Variants in SEC14L1 observed in about 807,000 individuals in gnomAD.
SEC14L1 encodes SEC14 like lipid binding 1.
In SEC14L1, 48 loss-of-function variants were observed where a neutral mutation model predicts 85.3. That is an observed-to-expected ratio of 0.56 (90% CI 0.45 to 0.72). SEC14L1 has a LOEUF of 0.72. Among genes scored for constraint, SEC14L1 ranks in the 30% least tolerant of loss-of-function variants. The pLI is 0.00. For synonymous variants in SEC14L1, 391 were observed against 355.5 expected, an observed-to-expected ratio of 1.10 and a Z score of -1.12; for missense variants, 682 against 921.4, an observed-to-expected ratio of 0.74 and a Z score of 3.36.
At chr17:77,160,528 T>C (rs1974010472) in intron 3 of SEC14L1, among the ~76,000 whole-genome samples, 1 of 152,240 alleles carries the variant, frequency 6.6e-6, no homozygotes, top group Admixed American at 6.5e-5. Flanking sequence ...AAATAAAACC[T>C]TTCGTAGCCC....
chr17:77,123,693 G>A (rs539213264), intron 3 of SEC14L1, among the ~76,000 whole-genome samples: 10 of 151,686 alleles, frequency 6.6e-5, no homozygotes, highest in Non-Finnish European at 1.0e-4. Context: ...GATTACAGGC[G>A]AGAGCCACCA....
intron 3 of SEC14L1, among the ~76,000 whole-genome samples, chr17:77,179,482 G>A (rs1451926047): frequency 2.0e-5 from 3 of 152,000 alleles, no homozygotes; most frequent in South Asian, 2.1e-4. Flanking sequence ...GGGTTACTTC[G>A]CATCTATCAT....
rs567308764 is a variant in SEC14L1 at position 77,142,716 on chromosome 17, A to G, written c.-65A>G. On this transcript the variant is annotated 5_prime_UTR_variant, in exon 2 of 17. Coordinates refer to ENST00000436233, the MANE Select transcript of SEC14L1 (RefSeq NM_001143998.2). ...TATCCTCTCACCATGTTCAGCATAA[A>G]GTACCATTCTTAATGATTATCCTCA... The G allele has an allele frequency of 6.6e-6, 1 of 152,268 alleles. No individual in the cohort carries two copies. Among genetic ancestry groups the G allele is most frequent in the Non-Finnish European group, 1.5e-5 (1 of 68,026 alleles). The allele number at this position is 152,268 out of a possible 1,614,324, so 9.4% of individuals were successfully genotyped here.
In SEC14L1 at chr17:77,216,489, C is replaced by G. The variant is rs1475844686; in HGVS notation, c.*2466C>G. ...TGCTTCCACCTGGTGCTTCCTGTTCCCAAATCACAAGGGCCTGAAGGTGGT... is the reference window on the plus strand; with the variant it reads ...TGCTTCCACCTGGTGCTTCCTGTTCGCAAATCACAAGGGCCTGAAGGTGGT... On this transcript the variant is annotated 3_prime_UTR_variant, in exon 17 of 17. Transcript: ENST00000436233. The G allele has an allele frequency of 6.2e-7, 1 of 1,612,584 alleles. No homozygotes were observed. The highest frequency in any genetic ancestry group is 8.5e-7 in the Non-Finnish European group (1 of 1,179,074).
At chr17:77,203,533 A>G (rs754852085) in intron 9 of SEC14L1, 37 bp from the exon 10 acceptor site, 20 of 1,562,222 alleles carry the variant, frequency 1.3e-5, no homozygotes, top group East Asian at 1.1e-4. Flanking sequence ...TTCAACTGGG[A>G]TGGTGCTGAC....
At chr17:77,106,907 C>T (rs916232196) in intron 3 of SEC14L1, among the ~76,000 whole-genome samples, 1 of 152,190 alleles carries the variant, frequency 6.6e-6, no homozygotes, top group East Asian at 1.9e-4. Flanking sequence ...TCTCCAGCCC[C>T]GGGCTTTTCT....
chr17:77,104,092 G>A (rs1041844093), intron 3 of SEC14L1, among the ~76,000 whole-genome samples: 4 of 150,752 alleles, frequency 2.7e-5, no homozygotes, highest in Admixed American at 1.3e-4. Flanking sequence ...AGCAGAGACC[G>A]TATCCAAAGG....
chr17:77,200,333 T>G (rs537645855), intron 8 of SEC14L1, 151 bp from the exon 9 acceptor site: 119 of 588,322 alleles, frequency 2.0e-4, no homozygotes, highest in Non-Finnish European at 3.1e-4. Context: ...CATGCCTGGC[T>G]GATTTTTGTA....
chr17:77,152,606 G>A (rs1407502140), intron 3 of SEC14L1: 2 of 151,944 alleles, frequency 1.3e-5, no homozygotes, highest in Admixed American at 6.6e-5. Context: ...GTATTGGGAA[G>A]TTTTCAATGA....
At position 77,168,168 on chromosome 17, in the gene SEC14L1, C is replaced by T. The variant is rs565871518; in HGVS notation, c.64-22635C>T. On this transcript the variant is annotated intron_variant, in intron 3 of 16. Coordinates refer to ENST00000436233, the MANE Select transcript of SEC14L1 (RefSeq NM_001143998.2). The stretch of plus-strand genomic sequence containing the variant: ...GGGCCACAAGCGTGGGAGGGTTGTT[C>T]GGAGGCTAGAAACAAGGGAGTATAA... 9.2e-5 allele frequency among the ~76,000 whole-genome samples: 14 copies of T among 152,144 alleles called. No homozygotes were observed. In the East Asian group the frequency reaches 1.2e-3, roughly 13 times the overall value.
chr17:77,111,932 A>G (rs1972057805), intron 3 of SEC14L1, among the ~76,000 whole-genome samples: 1 of 152,164 alleles, frequency 6.6e-6, no homozygotes, highest in Non-Finnish European at 1.5e-5. Flanking sequence ...GGGAGGGGCC[A>G]GGGGCAGAAT....
chr17:77,170,678 G>A lies in SEC14L1; in HGVS notation c.64-20125G>A, dbSNP rs76907462. On this transcript the variant is annotated intron_variant, in intron 3 of 16. Coordinates refer to ENST00000436233, the MANE Select transcript of SEC14L1 (RefSeq NM_001143998.2). ...TGTTTGGACTCTGAACAGGGCAATA[G>A]GAAGGCATTTTGTCCGAGGTAGCTG... 7.5e-3 allele frequency among the ~76,000 whole-genome samples: 1,146 copies of A among 152,292 alleles called. 16 individuals are homozygous for A. The highest frequency in any genetic ancestry group is 0.026 in the African/African-American group (1,067 of 41,540).
chr17:77,187,377 C>A (rs1249354747), intron 3 of SEC14L1, among the ~76,000 whole-genome samples: 1 of 151,976 alleles, frequency 6.6e-6, no homozygotes, highest in Non-Finnish European at 1.5e-5. Context: ...TATGCCCCCC[C>A]CCCACACCCC....
At chr17:77,100,157 C>T (rs1567868076) in intron 3 of SEC14L1, among the ~76,000 whole-genome samples, 1 of 152,198 alleles carries the variant, frequency 6.6e-6, no homozygotes, top group Admixed American at 6.5e-5. Flanking sequence ...TCTGGGTCCT[C>T]GCCTGTTGAC....
chr17:77,147,361 GGTCA>G (rs1973360784), intron 3 of SEC14L1, among the ~76,000 whole-genome samples: 1 of 149,524 alleles, frequency 6.7e-6, no homozygotes, highest in African/African-American at 2.4e-5. Context: ...TTTGTTTTGA[GGTCA>G]GTACCATTAA....
At chr17:77,100,505 C>T (rs1181340695) in intron 3 of SEC14L1, among the ~76,000 whole-genome samples, 1 of 131,316 alleles carries the variant, frequency 7.6e-6, no homozygotes, top group Non-Finnish European at 1.5e-5. Context: ...GCTGTGATCT[C>T]GGCTCACTGA....
intron 14 of SEC14L1, 52 bp downstream of exon 14, chr17:77,209,528 C>G (rs772967067): frequency 5.7e-6 from 9 of 1,584,560 alleles, no homozygotes; most frequent in Non-Finnish European, 7.7e-6. Flanking sequence ...CGCAGAGGGC[C>G]TGGCCCTCGC....
At chr17:77,108,432 C>G (rs1971969575) in intron 3 of SEC14L1, among the ~76,000 whole-genome samples, 1 of 151,986 alleles carries the variant, frequency 6.6e-6, no homozygotes, top group African/African-American at 2.4e-5. Flanking sequence ...GGGATGGGAC[C>G]CCAGCATAGA....
At chr17:77,205,928 C>T (rs1371511021) in intron 11 of SEC14L1, among the ~76,000 whole-genome samples, 1 of 152,072 alleles carries the variant, frequency 6.6e-6, no homozygotes, top group South Asian at 2.1e-4. Flanking sequence ...TTTAGCACGT[C>T]GAGGACAGCA....
Sources: allele counts gnomAD v4.1 joint callset (sites outside exome capture counted in the v4.1 genomes callset), GRCh38; gene constraint gnomAD v4.1.1; transcripts MANE v1.5; gene names NCBI Gene and HGNC (gene_info 2026-07-23, HGNC 2026-07-21).